The following PAGE2B variants were observed in gnomAD, a reference collection of about 807,000 sequenced individuals.
PAGE2B encodes the protein PAGE family member 2B, also known as putative G antigen family E member 3.
A neutral mutation model predicts 7.6 loss-of-function variants in PAGE2B; 5 were observed. The ratio of observed to expected loss-of-function variants is 0.66; its 90% confidence interval spans 0.34 to 1.38. The LOEUF is 1.38. Ranked by LOEUF, PAGE2B falls within the 40% of genes most tolerant of loss-of-function variation. The probability of loss-of-function intolerance (pLI) is 0.04; values close to 1 mark genes in which losing one functional copy is unlikely to be tolerated. For synonymous variants in PAGE2B, 29 were observed against 26.7 expected (o/e 1.09, Z -0.27); for missense variants, 70 against 78.4 (o/e 0.89, Z 0.41).
At chrX:55,035,696 C>G in the PAGE2B span, among the ~76,000 whole-genome samples, 1 of 112,074 alleles carries the variant, frequency 8.9e-6, no homozygotes, top group Admixed American at 9.5e-5. Flanking sequence ...ACTGTGTGAA[C>G]TTTGGGAGGT....
chrX:55,068,930 G>A, the PAGE2B span, among the ~76,000 whole-genome samples: 9 of 112,058 alleles, frequency 8.0e-5, no homozygotes, highest in African/African-American at 2.9e-4. Context: ...AGCTTAAGGA[G>A]ATTTGGGGCT....
chrX:55,076,954 T>C (rs1277160945), intron 3 of PAGE2B, among the ~76,000 whole-genome samples: 1 of 111,461 alleles, frequency 9.0e-6, no homozygotes, highest in Non-Finnish European at 1.9e-5. Context: ...TTTTCTGTTT[T>C]TTGTTGCTGT....
the PAGE2B span, among the ~76,000 whole-genome samples, chrX:55,043,444 C>A: frequency 4.5e-5 from 5 of 110,346 alleles, no homozygotes; most frequent in Non-Finnish European, 7.6e-5. Context: ...ACACATTCGA[C>A]AAAGGACTAA....
At chrX:55,050,767 G>T in the PAGE2B span, among the ~76,000 whole-genome samples, 1 of 111,485 alleles carries the variant, frequency 9.0e-6, no homozygotes, top group Non-Finnish European at 1.9e-5. Context: ...TATCCAGTTT[G>T]CCAGTCTGTG....
chrX:55,062,780 T>C, the PAGE2B span, among the ~76,000 whole-genome samples: 1 of 111,752 alleles, frequency 8.9e-6, no homozygotes, highest in Middle Eastern at 4.6e-3. Flanking sequence ...TTTTTGTATA[T>C]GGTGAGAGAT....
chrX:55,056,709 C>T, the PAGE2B span, among the ~76,000 whole-genome samples: 1 of 110,634 alleles, frequency 9.0e-6, no homozygotes, highest in East Asian at 2.8e-4. Context: ...CTGCAGTGCC[C>T]GAGAGCCTGA....
chrX:55,066,360 G>A, the PAGE2B span, among the ~76,000 whole-genome samples: 2 of 112,111 alleles, frequency 1.8e-5, no homozygotes, highest in African/African-American at 3.2e-5. Flanking sequence ...CAAAGTGCTG[G>A]GATTACAGGT....
At chrX:55,035,080 G>A in the PAGE2B span, among the ~76,000 whole-genome samples, 1 of 110,073 alleles carries the variant, frequency 9.1e-6, no homozygotes, top group South Asian at 3.9e-4. Context: ...GTTAAGGGTG[G>A]GTTTGCCTTC....
chrX:55,038,324 A>T, the PAGE2B span, among the ~76,000 whole-genome samples: 1 of 112,286 alleles, frequency 8.9e-6, no homozygotes, highest in Non-Finnish European at 1.9e-5. Context: ...AGAAATTTTT[A>T]AAGCACCCAT....
chrX:55,049,024 G>C, the PAGE2B span, among the ~76,000 whole-genome samples: 1 of 111,896 alleles, frequency 8.9e-6, no homozygotes, highest in East Asian at 2.8e-4. Context: ...AAGGGTTGTT[G>C]AATTTTGTCA....
the PAGE2B span, among the ~76,000 whole-genome samples, chrX:55,057,237 A>G: frequency 1.8e-5 from 2 of 111,084 alleles, 1 homozygote. Flanking sequence ...CATGACCAGA[A>G]GTCTAGACAG....
chrX:55,051,251 T>C, the PAGE2B span, among the ~76,000 whole-genome samples: 1 of 111,517 alleles, frequency 9.0e-6, no homozygotes, highest in Non-Finnish European at 1.9e-5. Context: ...ATTTTTTCCT[T>C]CATTTCAACT....
the PAGE2B span, among the ~76,000 whole-genome samples, chrX:55,040,293 C>A: frequency 9.1e-6 from 1 of 109,404 alleles, no homozygotes; most frequent in Non-Finnish European, 1.9e-5. Context: ...CCTCCCCCCT[C>A]CCCCACCCCA....
At chrX:55,076,438 A>C in intron 2 of PAGE2B, 131 bp from the exon 3 acceptor site, 1 of 614,774 alleles carries the variant, frequency 1.6e-6, no homozygotes, top group Non-Finnish European at 2.5e-6. Flanking sequence ...GTATATATAC[A>C]TATATGTATA....
At chrX:55,051,729 T>A in the PAGE2B span, among the ~76,000 whole-genome samples, 37 of 111,248 alleles carry the variant, frequency 3.3e-4, no homozygotes, top group Non-Finnish European at 6.6e-4. Flanking sequence ...TTTCAAAGTT[T>A]TTATCTTCTT....
chrX:55,040,073 C>A, the PAGE2B span, among the ~76,000 whole-genome samples: 1 of 104,360 alleles, frequency 9.6e-6, no homozygotes. Flanking sequence ...AGATCATAAA[C>A]CAGAGGCGGA....
At chrX:55,048,855 G>T in the PAGE2B span, among the ~76,000 whole-genome samples, 1 of 111,582 alleles carries the variant, frequency 9.0e-6, no homozygotes. Flanking sequence ...GAATAGGAGT[G>T]GTGAGAGAGG....
upstream of PAGE2B, among the ~76,000 whole-genome samples, chrX:55,070,515 T>G (rs1411716750): frequency 8.9e-6 from 1 of 111,770 alleles, no homozygotes; most frequent in Admixed American, 9.5e-5. Flanking sequence ...TTCTGTTGAT[T>G]TGGGGTGGAG....
At chrX:55,065,002 G>T in the PAGE2B span, among the ~76,000 whole-genome samples, 1 of 111,158 alleles carries the variant, frequency 9.0e-6, no homozygotes, top group South Asian at 3.7e-4. Context: ...CATGCGCTAA[G>T]GAAAAAAAAT....
Sources: allele counts gnomAD v4.1 joint callset (sites outside exome capture counted in the v4.1 genomes callset), GRCh38; gene constraint gnomAD v4.1.1; transcripts MANE v1.5; gene names NCBI Gene and HGNC (gene_info 2026-07-23, HGNC 2026-07-21).